ARHGAP15: variants seen among roughly 807,000 people sequenced by gnomAD.
ARHGAP15 encodes rho GTPase-activating protein 15.
In ARHGAP15, 51 loss-of-function variants were observed where a neutral mutation model predicts 63.7. That is an observed-to-expected ratio of 0.80 (90% CI 0.64 to 1.01). The LOEUF (loss-of-function observed/expected upper bound fraction) is 1.01, where lower values mean the gene tolerates loss of function less well. Ranked by LOEUF, ARHGAP15 falls within the 50% of genes least tolerant of loss-of-function variation. The probability of loss-of-function intolerance (pLI) is 0.00; values close to 1 mark genes in which losing one functional copy is unlikely to be tolerated. For synonymous variants in ARHGAP15, 191 were observed against 193.8 expected, an observed-to-expected ratio of 0.99 and a Z score of 0.12; for missense variants, 560 against 564.6, an observed-to-expected ratio of 0.99 and a Z score of 0.08.
At chr2:143,447,456 T>A (rs926184286) in intron 8 of ARHGAP15, among the ~76,000 whole-genome samples, 4 of 152,138 alleles carry the variant, frequency 2.6e-5, no homozygotes, top group African/African-American at 9.7e-5. Context: ...CAAACTATAG[T>A]GTATTGATCA....
At position 143,660,751 on chromosome 2, in the gene ARHGAP15, T is replaced by G. The variant is rs1201095873; in HGVS notation, c.1138+36484T>G. ...CGTTTCCTTGAGATAAATCTTCTCC[T>G]AATTAATGACCTTTTACCTAGGAGT... On this transcript the variant is annotated intron_variant, in intron 12 of 13. Coordinates refer to ENST00000295095, the MANE Select transcript of ARHGAP15 (RefSeq NM_018460.4). Among the ~76,000 whole-genome samples, 4 of 152,362 alleles carry G rather than the reference T, an allele frequency of 2.6e-5. No homozygotes were observed. In the East Asian group the frequency reaches 7.7e-4, roughly 29 times the overall value.
chr2:143,667,646 G>T (rs980591721), intron 12 of ARHGAP15, among the ~76,000 whole-genome samples: 1 of 150,402 alleles, frequency 6.6e-6, no homozygotes, highest in Non-Finnish European at 1.5e-5. Flanking sequence ...TAATCTTTGG[G>T]AAAATGCAAT....
intron 6 of ARHGAP15, among the ~76,000 whole-genome samples, chr2:143,367,914 A>G (rs1461259284): frequency 1.3e-5 from 2 of 152,110 alleles, no homozygotes; most frequent in African/African-American, 2.4e-5. Flanking sequence ...ACAAATTAAA[A>G]GAACTACAGA....
At chr2:143,334,949 G>T (rs760974718) in intron 6 of ARHGAP15, among the ~76,000 whole-genome samples, 2 of 152,136 alleles carry the variant, frequency 1.3e-5, no homozygotes, top group Non-Finnish European at 2.9e-5. Flanking sequence ...TAAGTAAAAG[G>T]CAAACACTGG....
At chr2:143,450,262 A>T (rs1479305232) in intron 8 of ARHGAP15, among the ~76,000 whole-genome samples, 1 of 151,738 alleles carries the variant, frequency 6.6e-6, no homozygotes, top group Non-Finnish European at 1.5e-5. Context: ...AACGAAATCC[A>T]GAATTTTAGT....
intron 13 of ARHGAP15, among the ~76,000 whole-genome samples, chr2:143,745,730 G>A (rs997449958): frequency 7.9e-5 from 12 of 152,078 alleles, no homozygotes; most frequent in African/African-American, 2.9e-4. Flanking sequence ...AACTTTCCTT[G>A]CAAAGTATTT....
intron 6 of ARHGAP15, among the ~76,000 whole-genome samples, chr2:143,417,786 G>A (rs192298766): frequency 6.6e-6 from 1 of 152,308 alleles, no homozygotes; most frequent in East Asian, 1.9e-4. Flanking sequence ...ACATTATAAA[G>A]ATGTAAAAGA....
intron 13 of ARHGAP15, among the ~76,000 whole-genome samples, chr2:143,767,724 A>G (rs1381280181): frequency 2.6e-5 from 4 of 152,098 alleles, no homozygotes; most frequent in African/African-American, 9.7e-5. Flanking sequence ...TTGCTGTTTA[A>G]TATACTCATT....
At chr2:143,751,230 G>A (rs1271917392) in intron 13 of ARHGAP15, among the ~76,000 whole-genome samples, 1 of 152,232 alleles carries the variant, frequency 6.6e-6, no homozygotes, top group Admixed American at 6.5e-5. Flanking sequence ...TCTCCGGGAG[G>A]ATGAAGATGG....
rs554051061 is a variant in ARHGAP15 at position 143,468,186 on chromosome 2, G to GT, written c.704-19177dup. 9.5e-3 allele frequency among the ~76,000 whole-genome samples: 1,400 copies of GT among 147,078 alleles called. 25 individuals are homozygous for GT. Among genetic ancestry groups the GT allele is most frequent in the South Asian group, 0.04 (186 of 4,636 alleles). On this transcript the variant is annotated intron_variant, in intron 8 of 13. Coordinates refer to ENST00000295095, the MANE Select transcript of ARHGAP15 (RefSeq NM_018460.4). ...GGGGAATGGGAACAAGTTTTTTCTG[G>GT]TTTTTTTTTTCTAGCAACATTTCCA...
intron 6 of ARHGAP15, among the ~76,000 whole-genome samples, chr2:143,413,954 T>TGCGC (rs1439719434): frequency 1.0e-5 from 1 of 96,762 alleles, no homozygotes; most frequent in African/African-American, 4.5e-5. Context: ...TGTGTGTGTG[T>TGCGC]GTGTGTGTGT....
rs554120547 is a variant in ARHGAP15 at position 143,490,704 on chromosome 2, T to C, written c.826+3209T>C. Among the ~76,000 whole-genome samples the C allele has an allele frequency of 2.0e-5, 3 of 152,272 alleles. No individual in the cohort carries two copies. In the East Asian group the frequency reaches 5.8e-4, roughly 29 times the overall value. ...GGCATGATCTTAGCTCACTGCAACC[T>C]CTGTGTCCCAGGTTCTAGTGATTCT... is the stretch of plus-strand genomic sequence containing the variant. On this transcript the variant is annotated intron_variant, in intron 9 of 13. Transcript: ENST00000295095.
intron 1 of ARHGAP15, among the ~76,000 whole-genome samples, chr2:143,151,139 C>A (rs1558777350): frequency 6.6e-6 from 1 of 151,946 alleles, no homozygotes; most frequent in Non-Finnish European, 1.5e-5. Context: ...TACAGATATT[C>A]CTGGAAGAAC....
intron 11 of ARHGAP15, among the ~76,000 whole-genome samples, chr2:143,603,632 G>A (rs763421731): frequency 6.6e-6 from 1 of 152,136 alleles, no homozygotes; most frequent in Non-Finnish European, 1.5e-5. Context: ...TCCCCAGTTG[G>A]CAATGAATGA....
chr2:143,766,356 G>A (rs992169729), intron 13 of ARHGAP15, among the ~76,000 whole-genome samples: 1 of 152,156 alleles, frequency 6.6e-6, no homozygotes, highest in African/African-American at 2.4e-5. Flanking sequence ...CTCCTCTGGT[G>A]CCATTATTCA....
chr2:143,231,070 T>TTTTTTTTTC (rs1693416800), intron 5 of ARHGAP15, among the ~76,000 whole-genome samples: 1 of 89,258 alleles, frequency 1.1e-5, no homozygotes, highest in African/African-American at 4.1e-5. Context: ...ATGTAATTCC[T>TTTTTTTTTC]TTTTTTTTTT....
At chr2:143,450,217 G>A (rs138331424) in intron 8 of ARHGAP15, among the ~76,000 whole-genome samples, 1 of 146,722 alleles carries the variant, frequency 6.8e-6, no homozygotes, top group African/African-American at 2.5e-5. Flanking sequence ...TTTGGCTGAA[G>A]ACCCAAAGAA....
chr2:143,671,591 T>A (rs1250099248), intron 12 of ARHGAP15, among the ~76,000 whole-genome samples: 1 of 152,114 alleles, frequency 6.6e-6, no homozygotes, highest in Non-Finnish European at 1.5e-5. Context: ...AAACAAATAG[T>A]GGCAAAAAAA....
chr2:143,747,459 T>C (rs1686213484), intron 13 of ARHGAP15, among the ~76,000 whole-genome samples: 1 of 152,208 alleles, frequency 6.6e-6, no homozygotes, highest in Admixed American at 6.5e-5. Context: ...CAATGTGTAA[T>C]GACATGTAAC....
Sources: allele counts gnomAD v4.1 joint callset (sites outside exome capture counted in the v4.1 genomes callset), GRCh38; gene constraint gnomAD v4.1.1; transcripts MANE v1.5; gene names NCBI Gene and HGNC (gene_info 2026-07-23, HGNC 2026-07-21).